Variants in CYP2C19 observed in about 807,000 individuals in gnomAD.
The protein encoded by CYP2C19 is cytochrome P450 family 2 subfamily C member 19, also known as cytochrome P450 2C19.
Under a neutral mutation model 40.9 loss-of-function variants are expected in CYP2C19, and 59 were observed. That is an observed-to-expected ratio of 1.44 (90% CI 1.17 to 1.79). CYP2C19 has a LOEUF of 1.79. CYP2C19 is among the 40% of genes most tolerant of loss of function. The pLI is 0.00. For missense variants in CYP2C19, 754 were observed against 596.9 expected, an observed-to-expected ratio of 1.26 and a Z score of -2.74; for synonymous variants, 253 against 208.7, an observed-to-expected ratio of 1.21 and a Z score of -1.83.
At chr10:94,808,225 T>G (rs1308314545) in intron 5 of CYP2C19, among the ~76,000 whole-genome samples, 3 of 152,118 alleles carry the variant, frequency 2.0e-5, no homozygotes, top group East Asian at 1.9e-4. Context: ...TGGGTCCATG[T>G]GTCTGCTTTT....
At chr10:94,780,043 T>C (rs1848461331) in intron 3 of CYP2C19, among the ~76,000 whole-genome samples, 1 of 152,166 alleles carries the variant, frequency 6.6e-6, no homozygotes, top group African/African-American at 2.4e-5. Flanking sequence ...ACCCCTAGTC[T>C]CTCTAGTTCC....
At chr10:94,826,935 T>G (rs1413977689) in intron 6 of CYP2C19, among the ~76,000 whole-genome samples, 2 of 152,164 alleles carry the variant, frequency 1.3e-5, no homozygotes, top group Non-Finnish European at 2.9e-5. Flanking sequence ...GGTTTTTGTC[T>G]TTGGTTCTGT....
At chr10:94,848,560 G>A (rs1158031440) in intron 7 of CYP2C19, among the ~76,000 whole-genome samples, 1 of 152,174 alleles carries the variant, frequency 6.6e-6, no homozygotes, top group Non-Finnish European at 1.5e-5. Context: ...TGGCAATGCA[G>A]GCTCTTTTTT....
chr10:94,827,489 C>G (rs1036803502), intron 6 of CYP2C19, among the ~76,000 whole-genome samples: 1 of 152,070 alleles, frequency 6.6e-6, no homozygotes, highest in African/African-American at 2.4e-5. Flanking sequence ...GTTTGTATTT[C>G]TGTGGGATCG....
At chr10:94,791,283 A>G (rs964244680) in intron 5 of CYP2C19, among the ~76,000 whole-genome samples, 2 of 151,944 alleles carry the variant, frequency 1.3e-5, no homozygotes, top group Non-Finnish European at 2.9e-5. Context: ...TTTTGCTAGC[A>G]GTCTATCAAT....
intron 5 of CYP2C19, among the ~76,000 whole-genome samples, chr10:94,797,202 G>A (rs997716005): frequency 1.3e-5 from 2 of 152,038 alleles, no homozygotes; most frequent in Non-Finnish European, 2.9e-5. Flanking sequence ...TTAGCATGAC[G>A]GGTTATTGAA....
chr10:94,768,866 C>G (rs963894300), intron 1 of CYP2C19, among the ~76,000 whole-genome samples: 4 of 152,112 alleles, frequency 2.6e-5, no homozygotes, highest in Admixed American at 1.3e-4. Context: ...GTACTAGGGC[C>G]TGCTTTAAGG....
chr10:94,842,466 T>C (rs1849510837), intron 6 of CYP2C19, among the ~76,000 whole-genome samples: 1 of 151,578 alleles, frequency 6.6e-6, no homozygotes, highest in African/African-American at 2.4e-5. Context: ...TGTCTTTTGA[T>C]TGGAAATTTT....
intron 5 of CYP2C19, among the ~76,000 whole-genome samples, chr10:94,789,533 A>G (rs145513259): frequency 1.3e-3 from 201 of 152,160 alleles, no homozygotes; most frequent in African/African-American, 4.4e-3. Flanking sequence ...AACTTGTAAG[A>G]AAGGGATCCA....
intron 8 of CYP2C19, among the ~76,000 whole-genome samples, chr10:94,850,373 C>T (rs1233946505): frequency 6.6e-6 from 1 of 152,162 alleles, no homozygotes; most frequent in Non-Finnish European, 1.5e-5. Context: ...ACATTTTCCT[C>T]ACTAGCCATG....
intron 5 of CYP2C19, among the ~76,000 whole-genome samples, chr10:94,791,008 T>C (rs1848598577): frequency 6.6e-6 from 1 of 152,160 alleles, no homozygotes; most frequent in African/African-American, 2.4e-5. Context: ...GGACTTTTTT[T>C]GGTTGGTATG....
chr10:94,769,016 A>C (rs1401791925), intron 1 of CYP2C19, among the ~76,000 whole-genome samples: 1 of 152,150 alleles, frequency 6.6e-6, no homozygotes, highest in East Asian at 1.9e-4. Flanking sequence ...CGGTGATTCC[A>C]AGGAATGCCC....
At chr10:94,790,431 A>C (rs1254722734) in intron 5 of CYP2C19, among the ~76,000 whole-genome samples, 1 of 152,130 alleles carries the variant, frequency 6.6e-6, no homozygotes, top group Non-Finnish European at 1.5e-5. Flanking sequence ...GCCAGTTTCC[A>C]AAGGAATTTC....
In CYP2C19 at chr10:94,855,263, A is replaced by T. The variant is rs993908213; in HGVS notation, c.*2349A>T. 1.3e-5 allele frequency among the ~76,000 whole-genome samples: 2 copies of T among 152,146 alleles called. No homozygotes were observed. Among genetic ancestry groups the T allele is most frequent in the Non-Finnish European group, 2.9e-5 (2 of 68,046 alleles). ...ATTTAGCCTACCATACTATTATTAT[A>T]CCCATTTGAACAACCAAACAATTGC... On this transcript the variant is annotated 3_prime_UTR_variant, in exon 9 of 9. Transcript: ENST00000371321.
In CYP2C19 at chr10:94,765,994, A is replaced by T. The variant is rs1229742476; in HGVS notation, c.168+3121A>T. Among the ~76,000 whole-genome samples the T allele has an allele frequency of 1.3e-5, 2 of 152,090 alleles. 1 individual carries two copies. Among genetic ancestry groups the T allele is most frequent in the East Asian group, 3.9e-4 (2 of 5,186 alleles). ...TGCTTGTGTAATAGGTGAGGTTGGA[A>T]ATGTAAGAATGTAAAAGTTGGATTG... On this transcript the variant is annotated intron_variant, in intron 1 of 8. Transcript: ENST00000371321.
Position 94,826,203 on chromosome 10 carries a change from T to G in CYP2C19, c.961+5566T>G, listed in dbSNP as rs1042985425. 1.2e-4 allele frequency among the ~76,000 whole-genome samples: 19 copies of G among 152,130 alleles called. No individual in the cohort carries two copies. The South Asian group carries it at 3.3e-3, about 27-fold the overall frequency. On this transcript the variant is annotated intron_variant, in intron 6 of 8. Coordinates refer to ENST00000371321, the MANE Select transcript of CYP2C19 (RefSeq NM_000769.4). Reference sequence around the variant, plus strand: ...TTTCCAATTCTGTGAAGAAAGTCATTGGTAGCTTGATGGGGATGGCATTGA... The same window carrying G: ...TTTCCAATTCTGTGAAGAAAGTCATGGGTAGCTTGATGGGGATGGCATTGA...
intron 5 of CYP2C19, among the ~76,000 whole-genome samples, chr10:94,809,235 G>C (rs973756747): frequency 1.3e-5 from 2 of 152,102 alleles, no homozygotes; most frequent in Admixed American, 6.6e-5. Flanking sequence ...TATGTCTTCT[G>C]TTGGGAAACG....
chr10:94,851,681 C>G (rs975422647), intron 8 of CYP2C19, among the ~76,000 whole-genome samples: 1 of 151,754 alleles, frequency 6.6e-6, no homozygotes, highest in Non-Finnish European at 1.5e-5. Context: ...TTGATAATAC[C>G]CCCTCTGTAT....
rs1178582722 is a variant in CYP2C19 at position 94,842,838 on chromosome 10, T to G, written c.963T>G (p.Ala321=). The G allele has an allele frequency of 3.1e-6, 5 of 1,614,042 alleles. No individual in the cohort carries two copies. In the Admixed American group the frequency reaches 8.3e-5, roughly 27 times the overall value. ...LLLLKHPEVT[A]KVQEEIERVI... is the part of the protein sequence containing the mutation. Reference sequence around the variant, plus strand: ...CAGTTCTTACTTGTGTCTTGTCAGCTAAAGTCCAGGAAGAGATTGAACGTG... The same window carrying G: ...CAGTTCTTACTTGTGTCTTGTCAGCGAAAGTCCAGGAAGAGATTGAACGTG... The change falls in exon 7 of 9, where the codon GCT becomes GCG. Residue 321 remains alanine, a splice_region_variant and synonymous_variant. Transcript: ENST00000371321.
Sources: gnomAD v4.1 joint callset for allele counts (sites outside exome capture counted in the v4.1 genomes callset) on GRCh38, gnomAD v4.1.1 for gene constraint, MANE v1.5 for transcripts, NCBI Gene and HGNC (gene_info 2026-07-23, HGNC 2026-07-21) for gene names.